Variants in SLC36A1 observed in about 807,000 individuals in gnomAD.
SLC36A1 encodes the protein proton-coupled amino acid transporter 1.
A neutral mutation model predicts 47.5 loss-of-function variants in SLC36A1; 30 were observed. That is an observed-to-expected ratio of 0.63 (90% CI 0.47 to 0.86). The LOEUF is 0.86. Ranked by LOEUF, SLC36A1 falls within the 40% of genes least tolerant of loss-of-function variation. The probability of loss-of-function intolerance (pLI) is 0.00; values close to 1 mark genes in which losing one functional copy is unlikely to be tolerated. For synonymous variants in SLC36A1, 255 were observed against 249.7 expected, an observed-to-expected ratio of 1.02 and a Z score of -0.20; for missense variants, 517 against 606.0, an observed-to-expected ratio of 0.85 and a Z score of 1.54.
the SLC36A1 span, chr5:151,510,256 G>T: frequency 1.4e-6 from 2 of 1,464,602 alleles, no homozygotes; most frequent in Non-Finnish European, 1.9e-6. Context: ...TGGTGTGTTT[G>T]TGCAGCCGTT....
At chr5:151,496,284 C>T (rs776270384), downstream of SLC36A1, among the ~76,000 whole-genome samples, 8 of 152,166 alleles carry the variant, frequency 5.3e-5, no homozygotes, top group East Asian at 1.9e-4. Context: ...TGCCTTCCGC[C>T]GCGATTGTGA....
the SLC36A1 span, chr5:151,551,416 A>G: frequency 5.0e-6 from 8 of 1,592,560 alleles, no homozygotes; most frequent in Non-Finnish European, 6.8e-6. Context: ...CCCAACCAAG[A>G]AGGCCTTCCA....
intron 1 of SLC36A1, among the ~76,000 whole-genome samples, chr5:151,449,656 A>G (rs900486967): frequency 6.6e-6 from 1 of 152,224 alleles, no homozygotes; most frequent in African/African-American, 2.4e-5. Context: ...AACTGGGACC[A>G]ATAGATGAAA....
chr5:151,453,118 T>C (rs1019256886), intron 1 of SLC36A1, among the ~76,000 whole-genome samples: 3 of 141,898 alleles, frequency 2.1e-5, no homozygotes, highest in Admixed American at 2.1e-4. Flanking sequence ...ACAGGAGAAT[T>C]GCTTGAACCT....
At chr5:151,446,517 C>T (rs963412450), upstream of SLC36A1, among the ~76,000 whole-genome samples, 5 of 151,836 alleles carry the variant, frequency 3.3e-5, no homozygotes, top group Non-Finnish European at 5.9e-5. Context: ...GCAATAAGAG[C>T]GCAACTTTGT....
the SLC36A1 span, among the ~76,000 whole-genome samples, chr5:151,388,994 G>T: frequency 2.0e-5 from 3 of 152,142 alleles, no homozygotes; most frequent in Admixed American, 6.6e-5. Flanking sequence ...GCTTTTAAGG[G>T]ACATAAGGCA....
the SLC36A1 span, chr5:151,509,994 A>G: frequency 7.5e-6 from 12 of 1,609,580 alleles, no homozygotes; most frequent in Middle Eastern, 1.7e-4. Flanking sequence ...CAAGGAGCCC[A>G]TGGCAGGTGG....
chr5:151,364,571 A>G, the SLC36A1 span, among the ~76,000 whole-genome samples: 2 of 152,208 alleles, frequency 1.3e-5, no homozygotes, highest in African/African-American at 4.8e-5. Flanking sequence ...TGTACTATTA[A>G]GGATCTTAGA....
chr5:151,468,267 A>ATATATATATATATATATATATATATTT (rs1756805245), intron 7 of SLC36A1, among the ~76,000 whole-genome samples: 2 of 50,776 alleles, frequency 3.9e-5, no homozygotes, highest in African/African-American at 2.2e-4. Flanking sequence ...AAAAAAAAAA[A>ATATATATATATATATATATATATATTT]TATATATATA....
intron 4 of SLC36A1, 111 bp downstream of exon 4, chr5:151,464,713 G>A (rs905327220): frequency 6.8e-6 from 6 of 885,652 alleles, no homozygotes; most frequent in African/African-American, 1.6e-5. Context: ...TACACTGGCT[G>A]GAGGTAGCAG....
the SLC36A1 span, chr5:151,506,158 C>A: frequency 6.8e-7 from 1 of 1,477,464 alleles, no homozygotes; most frequent in South Asian, 1.4e-5. Context: ...TCAGCTGGCT[C>A]TATAGCAACT....
At chr5:151,512,454 G>T in the SLC36A1 span, 2 of 1,614,224 alleles carry the variant, frequency 1.2e-6, no homozygotes, top group Non-Finnish European at 1.7e-6. The surrounding 1 kb of genome is among the most constrained non-coding windows in gnomAD (Gnocchi z 4.1). Flanking sequence ...GGGAGGTGTT[G>T]CCCATGCTGT....
intron 1 of SLC36A1, among the ~76,000 whole-genome samples, chr5:151,451,307 C>T (rs933988598): frequency 3.3e-5 from 5 of 152,196 alleles, no homozygotes; most frequent in Admixed American, 6.5e-5. Context: ...CCCACCTTGG[C>T]CTCCCAAAGT....
chr5:151,549,437 G>A, the SLC36A1 span: 3 of 1,613,998 alleles, frequency 1.9e-6, no homozygotes, highest in Non-Finnish European at 2.5e-6. Context: ...GTGGGTGGAG[G>A]TTTCCATCCT....
intron 1 of SLC36A1, among the ~76,000 whole-genome samples, chr5:151,437,354 G>T (rs527981581): frequency 1.3e-5 from 2 of 152,258 alleles, no homozygotes; most frequent in African/African-American, 4.8e-5. Flanking sequence ...TTTAAACTAT[G>T]ATTTATTTTA....
At chr5:151,544,612 T>C in the SLC36A1 span, 1 of 1,614,174 alleles carries the variant, frequency 6.2e-7, no homozygotes, top group Non-Finnish European at 8.5e-7. Flanking sequence ...ATAAGGACTC[T>C]GAAACAGTGG....
the SLC36A1 span, among the ~76,000 whole-genome samples, chr5:151,356,359 A>AAAAAAAAAAAAAAAAAAAAAAAAC: frequency 6.7e-6 from 1 of 149,496 alleles, no homozygotes; most frequent in Non-Finnish European, 1.5e-5. Flanking sequence ...AAAAAAAAAA[A>AAAAAAAAAAAAAAAAAAAAAAAAC]AGAATACACG....
the SLC36A1 span, chr5:151,512,488 T>C: frequency 9.3e-6 from 15 of 1,613,966 alleles, no homozygotes; most frequent in Non-Finnish European, 1.2e-5. The surrounding 1 kb of genome is among the most constrained non-coding windows in gnomAD (Gnocchi z 4.1). Flanking sequence ...AATGGAAGCG[T>C]CCATCTCCTC....
the SLC36A1 span, among the ~76,000 whole-genome samples, chr5:151,424,476 C>CCA: frequency 6.6e-6 from 1 of 152,188 alleles, no homozygotes; most frequent in Non-Finnish European, 1.5e-5. Flanking sequence ...GGTTATCACT[C>CCA]CACATGACAG....
Sources: gnomAD v4.1 joint callset for allele counts (sites outside exome capture counted in the v4.1 genomes callset) on GRCh38, gnomAD v4.1.1 for gene constraint, Gnocchi (gnomAD v3.1) non-coding constraint, MANE v1.5 for transcripts, NCBI Gene and HGNC (gene_info 2026-07-23, HGNC 2026-07-21) for gene names.